FBXW8: variants seen among roughly 807,000 people sequenced by gnomAD.
FBXW8 encodes the protein F-box and WD repeat domain containing 8, also known as F-box/WD repeat-containing protein 8.
A neutral mutation model predicts 65.3 loss-of-function variants in FBXW8; 57 were observed. That is an observed-to-expected ratio of 0.87 (90% confidence interval 0.71 to 1.09). The LOEUF is 1.09. Ranked by LOEUF, FBXW8 falls within the 50% of genes least tolerant of loss-of-function variation. The pLI is 0.00. For missense variants in FBXW8, 777 were observed against 814.8 expected (o/e 0.95, Z 0.57); for synonymous variants, 308 against 330.2 (o/e 0.93, Z 0.73).
chr12:116,985,277 C>T lies in FBXW8; in HGVS notation c.907C>T (p.Gln303Ter). ...VHRFEHDARIQALALSQDDAT... is the reference protein window; with the variant it reads ...VHRFEHDARI ...TCGTTTTGAGCACGATGCAAGAATA[C>T]AGGCACTAGCCCTCAGCCAGGACGA... The change falls in exon 6 of 11, where the codon CAG becomes TAG. Residue 303 changes from glutamine to a stop codon, truncating the protein, a stop_gained. Coordinates refer to ENST00000652555, the MANE Select transcript of FBXW8 (RefSeq NM_153348.3). LOFTEE classifies it high-confidence loss of function. 3.1e-6 allele frequency: 5 copies of T among 1,614,184 alleles called. No homozygotes were observed. The highest frequency in any genetic ancestry group is 4.2e-6 in the Non-Finnish European group (5 of 1,180,028).
In FBXW8 at chr12:117,010,304, A is replaced by G; in HGVS notation, c.1240-19A>G. ...GGTGTGTGGAATTGTGGGCCCACAC[A>G]TTTCTCTTCCTCTCTCAGATCCTGG... On this transcript the variant is annotated intron_variant, in intron 7 of 10. Transcript: ENST00000652555. 1.2e-6 allele frequency: 2 copies of G among 1,614,138 alleles called. No homozygotes were observed. Among genetic ancestry groups the G allele is most frequent in the Non-Finnish European group, 1.7e-6 (2 of 1,180,008 alleles).
chr12:116,927,266 G>A (rs1379915563), intron 1 of FBXW8, among the ~76,000 whole-genome samples: 1 of 152,118 alleles, frequency 6.6e-6, no homozygotes, highest in Non-Finnish European at 1.5e-5. Context: ...CTCAAATAAA[G>A]CCCGTTACCT....
chr12:116,975,994 G>A (rs984268702), intron 5 of FBXW8, among the ~76,000 whole-genome samples: 6 of 152,224 alleles, frequency 3.9e-5, no homozygotes, highest in Non-Finnish European at 8.8e-5. Context: ...TTAATTTCCT[G>A]GCTTCCATCA....
chr12:117,007,843 G>T (rs1345926115), intron 7 of FBXW8, among the ~76,000 whole-genome samples: 1 of 152,122 alleles, frequency 6.6e-6, no homozygotes, highest in East Asian at 1.9e-4. Flanking sequence ...GAGGGAGGGA[G>T]AAATGGTAAA....
intron 4 of FBXW8, chr12:116,951,150 A>G (rs1391378428): frequency 6.6e-6 from 1 of 152,222 alleles, no homozygotes; most frequent in East Asian, 1.9e-4. Flanking sequence ...ATGCCAGCAC[A>G]GAGCACGATG....
At chr12:116,972,917 G>T (rs1323662039) in intron 5 of FBXW8, among the ~76,000 whole-genome samples, 2 of 152,148 alleles carry the variant, frequency 1.3e-5, no homozygotes, top group Admixed American at 1.3e-4. Flanking sequence ...AAGGAACCAG[G>T]GATGCTTGGA....
chr12:116,991,072 A>G (rs1387449119), intron 7 of FBXW8, among the ~76,000 whole-genome samples: 1 of 152,250 alleles, frequency 6.6e-6, no homozygotes, highest in Non-Finnish European at 1.5e-5. Context: ...ATTTGCTGCA[A>G]GAATGTTTCT....
At position 117,010,374 on chromosome 12, in the gene FBXW8, G is replaced by A. The variant is rs370355248; in HGVS notation, c.1291G>A (p.Val431Ile). ...ACGCCGCCTCTTGAAGCTGGGTAAC[G>A]TTCTCCGTGACTTCACGTGTGTCAA... ...AGRRLLKLGN[V>I]LRDFTCVNLS... is the part of the protein sequence containing the mutation. Residue 431 changes from valine to isoleucine, a missense_variant, in exon 8 of 11, where the codon GTT becomes ATT. Coordinates refer to ENST00000652555, the MANE Select transcript of FBXW8 (RefSeq NM_153348.3). 75 of 1,614,200 alleles carry A rather than the reference G, an allele frequency of 4.6e-5. No individual in the cohort carries two copies. The highest frequency in any genetic ancestry group is 6.6e-5 in the South Asian group (6 of 91,074).
At chr12:116,950,399 A>C (rs148977655) in intron 4 of FBXW8, 54 of 152,374 alleles carry the variant, frequency 3.5e-4, no homozygotes, top group African/African-American at 1.1e-3. Flanking sequence ...TAAAGTAGAA[A>C]GCAGAACACT....
Position 117,028,047 on chromosome 12 carries a change from G to T in FBXW8, c.1672G>T (p.Ala558Ser), listed in dbSNP as rs139429411. The change falls in exon 11 of 11, where the codon GCC (alanine) becomes TCC (serine). Residue 558 changes from alanine (A) to serine (S), a missense_variant. Transcript: ENST00000652555. The surrounding 1 kb of genome is among the most constrained non-coding windows in gnomAD (Gnocchi z 4.1). ...TTCTAGACACCGGGGGCTGATCCGC[G>T]CCTATGAGTTTGCGGTGGACCAGCT... is the stretch of plus-strand genomic sequence containing the variant. ...THRRHRGLIR[A>S]YEFAVDQLAF... 6.2e-7 allele frequency: 1 copy of T among 1,614,054 alleles called. No homozygotes were observed. The highest frequency in any genetic ancestry group is 8.5e-7 in the Non-Finnish European group (1 of 1,180,026).
intron 7 of FBXW8, among the ~76,000 whole-genome samples, chr12:116,989,729 A>G (rs530515182): frequency 1.2e-4 from 19 of 152,320 alleles, no homozygotes; most frequent in South Asian, 1.2e-3. Flanking sequence ...TTTTTTCCCA[A>G]TTTCCCTGCT....
chr12:116,980,622 A>AT (rs879468652), intron 5 of FBXW8, among the ~76,000 whole-genome samples: 3 of 152,160 alleles, frequency 2.0e-5, no homozygotes, highest in Admixed American at 6.5e-5. Context: ...TTTATATCAG[A>AT]TTTAAAAAAA....
At position 116,911,129 on chromosome 12, in the gene FBXW8, C is replaced by T. The variant is rs1358158433; in HGVS notation, c.92C>T (p.Ala31Val). Reference sequence around the variant, plus strand: ...CCGAAGAAGCGGCGACGGCCCGAGGCTGCCGAGAGGCGGGCTCGGCGGCCG... The same window carrying T: ...CCGAAGAAGCGGCGACGGCCCGAGGTTGCCGAGAGGCGGGCTCGGCGGCCG... ...QAPKKRRRPE[A>V]AERRARRPEV... The change falls in exon 1 of 11, where the codon GCT becomes GTT. Residue 31 changes from alanine to valine, a missense_variant. By Grantham distance (64) the Ala-to-Val change is moderately conservative. Transcript: ENST00000652555. The T allele has an allele frequency of 2.9e-6, 4 of 1,376,854 alleles. No homozygotes were observed. In the Admixed American group the frequency reaches 1.5e-4, roughly 53 times the overall value. The allele number at this position is 1,376,854 out of a possible 1,614,324, so 85.3% of individuals were successfully genotyped here. A position where few individuals can be genotyped will look rare whatever the true frequency, so the allele number is the denominator to read the frequency against.
intron 1 of FBXW8, among the ~76,000 whole-genome samples, chr12:116,921,520 C>G (rs1212245588): frequency 1.3e-5 from 2 of 152,150 alleles, no homozygotes; most frequent in Non-Finnish European, 2.9e-5. Flanking sequence ...TCCTGTATTT[C>G]ATTTTACGTG....
intron 4 of FBXW8, among the ~76,000 whole-genome samples, chr12:116,956,676 A>G (rs1292558473): frequency 6.6e-6 from 1 of 152,218 alleles, no homozygotes; most frequent in Non-Finnish European, 1.5e-5. Context: ...GGAAAATATA[A>G]TTTTAAACAG....
At chr12:117,003,023 C>T (rs1392459371) in intron 7 of FBXW8, 1 of 152,146 alleles carries the variant, frequency 6.6e-6, no homozygotes, top group Non-Finnish European at 1.5e-5. Context: ...ATGTATAGGA[C>T]TTTTTCTTTT....
In FBXW8 at chr12:117,024,317, C is replaced by T; in HGVS notation, c.1538C>T (p.Ser513Phe). The change falls in exon 9 of 11, where the codon TCC (serine) becomes TTC (phenylalanine). Residue 513 changes from serine to phenylalanine, a missense_variant. Physicochemically the swap from Ser to Phe is radical, Grantham distance 155. Coordinates refer to ENST00000652555, the MANE Select transcript of FBXW8 (RefSeq NM_153348.3). ...RMNQKLWEVY[S>F]GHPVQHISFS... ...AACCAGAAGCTGTGGGAGGTGTATT[C>T]CGGGTAAGGTGCATTCTAGACACTC... 6.2e-7 allele frequency: 1 copy of T among 1,614,104 alleles called. No homozygotes were observed. Among genetic ancestry groups the T allele is most frequent in the Non-Finnish European group, 8.5e-7 (1 of 1,179,980 alleles).
At chr12:116,979,860 T>C (rs1885187291) in intron 5 of FBXW8, among the ~76,000 whole-genome samples, 1 of 152,030 alleles carries the variant, frequency 6.6e-6, no homozygotes, top group Non-Finnish European at 1.5e-5. Context: ...TGCTGAGACT[T>C]TTTCTCTTGT....
intron 4 of FBXW8, among the ~76,000 whole-genome samples, chr12:116,964,093 G>T (rs1884159703): frequency 6.6e-6 from 1 of 152,184 alleles, no homozygotes; most frequent in Admixed American, 6.5e-5. Flanking sequence ...TTTTCTAAGT[G>T]GGCAAAACCG....
Sources: gnomAD v4.1 joint callset for allele counts (sites outside exome capture counted in the v4.1 genomes callset) on GRCh38, gnomAD v4.1.1 for gene constraint, Gnocchi (gnomAD v3.1) non-coding constraint, MANE v1.5 for transcripts, NCBI Gene and HGNC (gene_info 2026-07-23, HGNC 2026-07-21) for gene names.